Variants in NXPE2 observed in about 807,000 individuals in gnomAD.
NXPE2 encodes the protein NXPE family member 2.
In NXPE2, 34 loss-of-function variants were observed where a neutral mutation model predicts 34.4. The ratio of observed to expected loss-of-function variants is 0.99; its 90% CI spans 0.75 to 1.31. NXPE2 has a LOEUF of 1.31. Among genes scored for constraint, NXPE2 ranks in the 40% most tolerant of loss-of-function variants. NXPE2 has a pLI of 0.00. For synonymous variants in NXPE2, 235 were observed against 231.3 expected, an observed-to-expected ratio of 1.02 and a Z score of -0.15; for missense variants, 649 against 672.5, an observed-to-expected ratio of 0.97 and a Z score of 0.39.
chr11:114,491,911 A>G, the NXPE2 span, among the ~76,000 whole-genome samples: 68 of 152,316 alleles, frequency 4.5e-4, 2 homozygotes, highest in Middle Eastern at 6.8e-3. Flanking sequence ...TTGCAAGGAC[A>G]AAAAACCAAA....
the NXPE2 span, among the ~76,000 whole-genome samples, chr11:114,534,163 C>A: frequency 1.3e-5 from 2 of 152,172 alleles, no homozygotes; most frequent in Non-Finnish European, 2.9e-5. Flanking sequence ...CTGCTGATAC[C>A]CAGGCAAACA....
the NXPE2 span, chr11:114,530,963 A>G: frequency 1.4e-6 from 2 of 1,469,702 alleles, no homozygotes; most frequent in Non-Finnish European, 1.8e-6. Flanking sequence ...AATCATTTTT[A>G]CTTATTATGA....
intron 2 of NXPE2, among the ~76,000 whole-genome samples, chr11:114,693,241 CCTT>C (rs1208801091): frequency 2.6e-5 from 4 of 152,072 alleles, no homozygotes; most frequent in African/African-American, 9.7e-5. Flanking sequence ...GGATGGGAAA[CCTT>C]CTTCTTGCCC....
the NXPE2 span, chr11:114,518,462 G>A: frequency 6.6e-6 from 1 of 152,166 alleles, no homozygotes; most frequent in African/African-American, 2.4e-5. Context: ...AATAAACCTT[G>A]ACAAAAAGGG....
the NXPE2 span, among the ~76,000 whole-genome samples, chr11:114,639,874 A>T: frequency 1.7e-5 from 1 of 57,508 alleles, no homozygotes; most frequent in Non-Finnish European, 2.9e-5. Context: ...TTTTATATTA[A>T]ATATAAAATA....
At chr11:114,521,746 A>G in the NXPE2 span, 1 of 462,308 alleles carries the variant, frequency 2.2e-6, no homozygotes, top group Non-Finnish European at 3.8e-6. Flanking sequence ...AATATTTTAA[A>G]CGAGCATCAG....
At chr11:114,467,572 C>T in the NXPE2 span, among the ~76,000 whole-genome samples, 24 of 152,034 alleles carry the variant, frequency 1.6e-4, no homozygotes, top group African/African-American at 5.6e-4. Context: ...TACTAGGGAC[C>T]GTCTACTTAC....
At chr11:114,574,733 A>G in the NXPE2 span, among the ~76,000 whole-genome samples, 1 of 151,702 alleles carries the variant, frequency 6.6e-6, no homozygotes, top group Admixed American at 6.6e-5. Context: ...AGTTCAGGAT[A>G]GATTCACAGC....
the NXPE2 span, among the ~76,000 whole-genome samples, chr11:114,739,325 TTCCTTCCTTCCTTCCC>T: frequency 0.015 from 796 of 52,662 alleles, 26 homozygotes; most frequent in African/African-American, 0.04. Flanking sequence ...CCTTCCTTCC[TTCCTTCCTTCCTTCCC>T]CCCTTCCTCT....
At chr11:114,487,229 C>G in the NXPE2 span, among the ~76,000 whole-genome samples, 3 of 151,984 alleles carry the variant, frequency 2.0e-5, no homozygotes, top group South Asian at 6.2e-4. Context: ...AAATTTATTC[C>G]TAGGTATTTA....
At chr11:114,493,754 C>T in the NXPE2 span, among the ~76,000 whole-genome samples, 23 of 152,116 alleles carry the variant, frequency 1.5e-4, no homozygotes, top group South Asian at 6.2e-4. Flanking sequence ...ACTACAATTA[C>T]GGTGTTATAA....
At chr11:114,567,476 G>C in the NXPE2 span, among the ~76,000 whole-genome samples, 30,355 of 151,814 alleles carry the variant, frequency 0.2, 3,909 homozygotes, top group African/African-American at 0.35. Context: ...AAGGCTGAAC[G>C]GCAGCCTTGG....
the NXPE2 span, chr11:114,527,788 C>T: frequency 7.9e-7 from 1 of 1,268,648 alleles, no homozygotes; most frequent in Middle Eastern, 1.9e-4. Context: ...TAGGTTAATG[C>T]TGATAAAAGT....
At chr11:114,787,207 AGT>A in the NXPE2 span, among the ~76,000 whole-genome samples, 1 of 152,176 alleles carries the variant, frequency 6.6e-6, no homozygotes, top group African/African-American at 2.4e-5. Flanking sequence ...AGAAAGGGAA[AGT>A]GGGGAAAAAA....
At chr11:114,670,009 T>A in the NXPE2 span, among the ~76,000 whole-genome samples, 2 of 152,012 alleles carry the variant, frequency 1.3e-5, no homozygotes, top group Non-Finnish European at 2.9e-5. Context: ...ATAAACCAAC[T>A]AATTTACCAG....
the NXPE2 span, among the ~76,000 whole-genome samples, chr11:114,496,434 C>T: frequency 3.3e-5 from 5 of 152,142 alleles, no homozygotes; most frequent in African/African-American, 9.7e-5. Flanking sequence ...TCTTCAGTTT[C>T]TCTTTCCTTA....
the NXPE2 span, among the ~76,000 whole-genome samples, chr11:114,663,644 C>T: frequency 1.3e-4 from 15 of 114,684 alleles, no homozygotes; most frequent in African/African-American, 3.4e-4. Flanking sequence ...TATCATCTAT[C>T]CATCTATCAT....
chr11:114,538,374 G>C, the NXPE2 span, among the ~76,000 whole-genome samples: 2 of 152,148 alleles, frequency 1.3e-5, no homozygotes, highest in African/African-American at 4.8e-5. Flanking sequence ...CATGGGCAAG[G>C]ACTTCATGTC....
At chr11:114,563,675 A>G in the NXPE2 span, among the ~76,000 whole-genome samples, 1 of 152,226 alleles carries the variant, frequency 6.6e-6, no homozygotes, top group African/African-American at 2.4e-5. Context: ...TGAATAGACA[A>G]TTCTCAAAAG....
Sources: gnomAD v4.1 joint callset for allele counts (sites outside exome capture counted in the v4.1 genomes callset) on GRCh38, gnomAD v4.1.1 for gene constraint, MANE v1.5 for transcripts, NCBI Gene and HGNC (gene_info 2026-07-23, HGNC 2026-07-21) for gene names.